KIAA1217: variants seen among roughly 807,000 people sequenced by gnomAD.
KIAA1217 encodes sickle tail protein homolog.
KIAA1217 carries 88 observed loss-of-function variants against 163.9 expected under a neutral mutation model. That is an observed-to-expected ratio of 0.54 (90% confidence interval 0.45 to 0.64). KIAA1217 has a LOEUF of 0.64. KIAA1217 is among the 30% of genes least tolerant of loss of function. The pLI, the probability that KIAA1217 is intolerant of heterozygous loss-of-function variation, is 0.00. For synonymous variants in KIAA1217, 903 were observed against 923.1 expected (o/e 0.98, Z 0.39); for missense variants, 2,372 against 2,475.0 (o/e 0.96, Z 0.88).
intron 1 of KIAA1217, among the ~76,000 whole-genome samples, chr10:23,720,240 T>C (rs1837800758): frequency 6.6e-6 from 1 of 151,888 alleles, no homozygotes; most frequent in Admixed American, 6.6e-5. Flanking sequence ...GACTGAAGAA[T>C]GGGGAGTTGG....
At chr10:24,005,467 A>C (rs938472322) in intron 1 of KIAA1217, among the ~76,000 whole-genome samples, 1 of 152,202 alleles carries the variant, frequency 6.6e-6, no homozygotes, top group Non-Finnish European at 1.5e-5. Context: ...GGGCAAAATA[A>C]TCACTCCTTC....
At chr10:23,838,184 T>G (rs1838585956) in intron 1 of KIAA1217, among the ~76,000 whole-genome samples, 1 of 152,242 alleles carries the variant, frequency 6.6e-6, no homozygotes, top group South Asian at 2.1e-4. Flanking sequence ...TATACATGTA[T>G]CTTTGCGTGT....
At chr10:23,873,706 CTCTT>C (rs1438177181) in intron 1 of KIAA1217, among the ~76,000 whole-genome samples, 4 of 152,024 alleles carry the variant, frequency 2.6e-5, no homozygotes, top group Admixed American at 1.3e-4. Context: ...CTCTCTCTCT[CTCTT>C]TCCCTCTGTC....
chr10:24,239,732 C>G (rs1026888511), intron 2 of KIAA1217, among the ~76,000 whole-genome samples: 2 of 149,698 alleles, frequency 1.3e-5, no homozygotes, highest in Non-Finnish European at 3.0e-5. Context: ...TTTACTCTTA[C>G]GACAAACCTG....
At chr10:23,915,703 G>A (rs1842610208) in intron 1 of KIAA1217, among the ~76,000 whole-genome samples, 1 of 152,124 alleles carries the variant, frequency 6.6e-6, no homozygotes, top group African/African-American at 2.4e-5. Context: ...TATTGGGAAG[G>A]TGCTTCTAGA....
intron 1 of KIAA1217, among the ~76,000 whole-genome samples, chr10:23,797,532 G>C (rs1836263542): frequency 6.6e-6 from 1 of 152,056 alleles, no homozygotes; most frequent in South Asian, 2.1e-4. Context: ...AAGTTTAATT[G>C]ACTCACAGTT....
At chr10:24,175,509 T>A (rs929751489) in intron 2 of KIAA1217, among the ~76,000 whole-genome samples, 9 of 152,124 alleles carry the variant, frequency 5.9e-5, no homozygotes, top group African/African-American at 2.2e-4. Context: ...AGAATTATAG[T>A]CTCCAATCTT....
In KIAA1217 at chr10:24,386,587, ATTTAG is replaced by A. The variant is rs1277083508; in HGVS notation, c.553+5521_553+5525del. Among the ~76,000 whole-genome samples the A allele has an allele frequency of 6.6e-5, 10 of 151,596 alleles. No individual in the cohort carries two copies. The East Asian group carries it at 2.0e-3, about 30-fold the overall frequency. On this transcript the variant is annotated intron_variant, in intron 3 of 20. Coordinates refer to ENST00000376454, the MANE Select transcript of KIAA1217 (RefSeq NM_019590.5). The stretch of plus-strand genomic sequence containing the variant: ...ATTTTATTTATTTATTTATTTATTT[ATTTAG>A]AGACAGGGTCTTTCTCTGTTGCCCA...
chr10:23,908,248 G>T (rs927150996), intron 1 of KIAA1217, among the ~76,000 whole-genome samples: 1 of 152,066 alleles, frequency 6.6e-6, no homozygotes, highest in African/African-American at 2.4e-5. Context: ...CTGATGCTAA[G>T]GAATTTGGAT....
intron 2 of KIAA1217, among the ~76,000 whole-genome samples, chr10:24,319,899 A>G (rs1033835035): frequency 3.9e-5 from 6 of 152,248 alleles, no homozygotes; most frequent in African/African-American, 1.2e-4. Context: ...TCATATATCT[A>G]GCTTTGTTAA....
chr10:24,027,621 A>T (rs752102256), intron 2 of KIAA1217, among the ~76,000 whole-genome samples: 4 of 152,168 alleles, frequency 2.6e-5, no homozygotes, highest in Non-Finnish European at 1.5e-5. Context: ...CTAAAAACAC[A>T]TTATTTAATA....
At chr10:24,265,659 T>C (rs942068491) in intron 2 of KIAA1217, among the ~76,000 whole-genome samples, 1 of 152,144 alleles carries the variant, frequency 6.6e-6, no homozygotes, top group Non-Finnish European at 1.5e-5. Flanking sequence ...CCTTCTTCTC[T>C]TTTTCCTCCC....
intron 5 of KIAA1217, among the ~76,000 whole-genome samples, chr10:24,446,486 T>TC (rs1418204859): frequency 6.6e-6 from 1 of 152,192 alleles, no homozygotes; most frequent in African/African-American, 2.4e-5. Context: ...GAGCACTTTT[T>TC]CTCACAGGGC....
chr10:23,704,545 G>A (rs915835839), intron 1 of KIAA1217, among the ~76,000 whole-genome samples: 17 of 151,976 alleles, frequency 1.1e-4, no homozygotes, highest in African/African-American at 4.1e-4. Context: ...CATGTATATG[G>A]AATCATAACA....
At chr10:23,834,700 GAGA>G (rs1838366231) in intron 1 of KIAA1217, among the ~76,000 whole-genome samples, 2 of 152,122 alleles carry the variant, frequency 1.3e-5, no homozygotes, top group Non-Finnish European at 1.5e-5. Flanking sequence ...TGGAGGTGAT[GAGA>G]AGGAGTTTGA....
chr10:24,212,789 C>CA (rs1188202324), intron 1 of KIAA1217, among the ~76,000 whole-genome samples: 1 of 152,192 alleles, frequency 6.6e-6, no homozygotes, highest in African/African-American at 2.4e-5. Flanking sequence ...TATTCCACAG[C>CA]AAGGACCATG....
At chr10:24,436,221 C>A (rs192142722) in intron 4 of KIAA1217, among the ~76,000 whole-genome samples, 2 of 151,528 alleles carry the variant, frequency 1.3e-5, no homozygotes, top group African/African-American at 2.4e-5. Context: ...GAAAGATCAC[C>A]GATTTATAAA....
intron 1 of KIAA1217, among the ~76,000 whole-genome samples, chr10:23,956,505 T>A (rs1196228538): frequency 6.6e-6 from 1 of 152,314 alleles, no homozygotes; most frequent in Admixed American, 6.5e-5. Context: ...ACCTTGATAC[T>A]GCCTTCTAAC....
At chr10:24,294,782 G>T (rs563083882) in intron 2 of KIAA1217, among the ~76,000 whole-genome samples, 1 of 152,202 alleles carries the variant, frequency 6.6e-6, no homozygotes, top group Non-Finnish European at 1.5e-5. Flanking sequence ...ACAGGGACAG[G>T]AAAGGAGTCA....
Sources: allele counts gnomAD v4.1 joint callset (sites outside exome capture counted in the v4.1 genomes callset), GRCh38; gene constraint gnomAD v4.1.1; transcripts MANE v1.5; gene names NCBI Gene and HGNC (gene_info 2026-07-23, HGNC 2026-07-21).